MICAL1: variants seen among roughly 807,000 people sequenced by gnomAD.
The protein encoded by MICAL1 is [F-actin]-monooxygenase MICAL1.
Under a neutral mutation model 131.8 loss-of-function variants are expected in MICAL1, and 95 were observed. The ratio of observed to expected loss-of-function variants is 0.72; its 90% CI spans 0.61 to 0.86. The LOEUF is 0.86. MICAL1 is among the 40% of genes least tolerant of loss of function. MICAL1 has a pLI of 0.00. For synonymous variants in MICAL1, 546 were observed against 554.2 expected (o/e 0.99, Z 0.21); for missense variants, 1,292 against 1,380.6 (o/e 0.94, Z 1.02).
upstream of MICAL1, chr6:109,455,899 G>T: frequency 1.0e-6 from 1 of 985,498 alleles, no homozygotes; most frequent in Non-Finnish European, 1.2e-6. This position sits in a 1 kb window ranked among gnomAD's most constrained non-coding sequence, Gnocchi z 4.7. Flanking sequence ...CGCGAGGGGC[G>T]CGGGGCGCCG....
intron 10 of MICAL1, 40 bp downstream of exon 10, chr6:109,449,617 G>A (rs1459488084): frequency 6.3e-7 from 1 of 1,591,476 alleles, no homozygotes; most frequent in Middle Eastern, 1.7e-4. Flanking sequence ...GGGGAAGGGG[G>A]TTGGCTTGGG....
intron 10 of MICAL1, 37 bp downstream of exon 10, chr6:109,449,620 G>T: frequency 6.3e-7 from 1 of 1,588,758 alleles, no homozygotes; most frequent in Non-Finnish European, 8.6e-7. Context: ...GAAGGGGGTT[G>T]GCTTGGGAAG....
rs765948250 is a variant in MICAL1, at chr6:109,465,890, G to A, written c.-213C>T. 2.1e-5 allele frequency: 34 copies of A among 1,614,068 alleles called. No homozygotes were observed. Among genetic ancestry groups the A allele is most frequent in the Non-Finnish European group, 2.6e-5 (31 of 1,180,050 alleles). On this transcript the variant is annotated 5_prime_UTR_variant, in exon 1 of 25. Coordinates refer to the MICAL1 transcript ENST00000630715. ...GGCCAAGTGGCGTTGGCTGGGGCAC[G>A]TGGTGAGTGGGTGGTGGCGGACCAG... is the stretch of plus-strand genomic sequence containing the variant.
At chr6:109,456,032 G>C, upstream of MICAL1, 1 of 986,300 alleles carries the variant, frequency 1.0e-6, no homozygotes, top group Non-Finnish European at 1.2e-6. Context: ...TGGCGCTGCG[G>C]ACACCCCGTT....
chr6:109,445,309 A>C lies in MICAL1; in HGVS notation c.2788-19T>G, dbSNP rs1775160386. On this transcript the variant is annotated intron_variant, in intron 21 of 24. Coordinates refer to ENST00000358807, the MANE Select transcript of MICAL1 (RefSeq NM_022765.4). ...GGATGGTCTGAGGGGTACAAGACAG[A>C]ATATCCAGGAGTCTCTAGGTTGCTC... is the stretch of plus-strand genomic sequence containing the variant. 1 of 1,613,906 alleles carries C rather than the reference A, an allele frequency of 6.2e-7. No homozygotes were observed. The highest frequency in any genetic ancestry group is 1.3e-5 in the African/African-American group (1 of 74,940).
chr6:109,446,888 C>G, intron 17 of MICAL1, 116 bp from the exon 18 acceptor site: 2 of 1,263,860 alleles, frequency 1.6e-6, no homozygotes, highest in Non-Finnish European at 2.3e-6. Context: ...TGAATTTCTG[C>G]CAGCCTCCTG....
In MICAL1 at chr6:109,444,746, G is replaced by A. The variant is rs201978922; in HGVS notation, c.3034C>T (p.Arg1012Ter). Residue 1012 changes from arginine to a stop codon, truncating the protein, a stop_gained, in exon 24 of 25, where the codon CGA becomes TGA. Coordinates refer to ENST00000358807, the MANE Select transcript of MICAL1 (RefSeq NM_022765.4). LOFTEE classifies it high-confidence loss of function. ...EKQWQLDQEL[R>*]GYMNREENLK... Reference sequence around the variant, plus strand: ...CTACCTTCCCGGTTCATGTAGCCTCGTAGCTCCTGGTCCAGCTGCCACTGT... The same window carrying A: ...CTACCTTCCCGGTTCATGTAGCCTCATAGCTCCTGGTCCAGCTGCCACTGT... 8.4e-5 allele frequency: 135 copies of A among 1,613,894 alleles called. No homozygotes were observed. Among genetic ancestry groups the A allele is most frequent in the South Asian group, 1.5e-4 (14 of 91,078 alleles).
At chr6:109,451,334 A>G (rs1362635849) in intron 7 of MICAL1, among the ~76,000 whole-genome samples, 1 of 151,992 alleles carries the variant, frequency 6.6e-6, no homozygotes, top group Non-Finnish European at 1.5e-5. Flanking sequence ...TTGTACTTTT[A>G]GTAGAGACGG....
At position 109,463,928 on chromosome 6, in the gene MICAL1, T is replaced by C. The variant is rs180765159; in HGVS notation, c.14+1736A>G. The C allele has an allele frequency of 9.8e-5, 15 of 152,330 alleles. No individual in the cohort carries two copies. In the East Asian group the frequency reaches 2.3e-3, roughly 23 times the overall value. The allele number at this position is 152,330 out of a possible 1,614,324, so 9.4% of individuals were successfully genotyped here. A position where few individuals can be genotyped will look rare whatever the true frequency, so the allele number is the denominator to read the frequency against. On this transcript the variant is annotated intron_variant, in intron 1 of 24. Transcript: ENST00000630715. ...CTCTTAGTGTAGAGGTAGACTGTTA[T>C]AGAGCCAGTGAAACTTGACTTATAA...
In MICAL1 at chr6:109,452,381, G is replaced by T. The variant is rs375429113; in HGVS notation, c.697C>A (p.Arg233=). ...GTGATGCCAATGGCCAGTTTGCCTC[G>T]CATTTCTCGAACTTTGAAGCCTAGA... ...VPEGFKVREM[R]GKLAIGITAN... is the part of the protein sequence containing the mutation. Residue 233 remains arginine (R), a synonymous_variant, in exon 6 of 25, where the codon CGA becomes AGA. Transcript: ENST00000358807. 1 of 1,614,116 alleles carries T rather than the reference G, an allele frequency of 6.2e-7. No homozygotes were observed. Among genetic ancestry groups the T allele is most frequent in the Non-Finnish European group, 8.5e-7 (1 of 1,179,988 alleles).
upstream of MICAL1, among the ~76,000 whole-genome samples, chr6:109,460,432 A>G (rs1775855889): frequency 6.6e-6 from 1 of 151,618 alleles, no homozygotes; most frequent in African/African-American, 2.4e-5. Flanking sequence ...ACGTAAAAAA[A>G]AAAAAAAAAA....
chr6:109,462,855 T>C (rs1337312318), intron 1 of MICAL1: 4 of 152,234 alleles, frequency 2.6e-5, no homozygotes, highest in Non-Finnish European at 2.9e-5. Context: ...TCTATATTTC[T>C]GTTAAAACAA....
chr6:109,452,104 G>T, intron 6 of MICAL1, 142 bp downstream of exon 6: 1 of 1,444,998 alleles, frequency 6.9e-7, no homozygotes, highest in East Asian at 2.4e-5. Context: ...TGAGGGGACA[G>T]GTTCCTTCTC....
chr6:109,464,651 T>G (rs991960339), intron 1 of MICAL1: 2 of 152,066 alleles, frequency 1.3e-5, no homozygotes, highest in African/African-American at 4.8e-5. Context: ...TAAGATTAGA[T>G]GAAGATTAGC....
chr6:109,449,555 G>A, intron 10 of MICAL1, 74 bp from the exon 11 acceptor site: 1 of 1,606,824 alleles, frequency 6.2e-7, no homozygotes, highest in Non-Finnish European at 8.5e-7. Context: ...GGGCCTGCCG[G>A]GGGTAGGATT....
upstream of MICAL1, among the ~76,000 whole-genome samples, chr6:109,456,559 G>A (rs551917840): frequency 3.9e-5 from 6 of 152,224 alleles, no homozygotes; most frequent in Non-Finnish European, 7.3e-5. Context: ...TGGGAGGGGT[G>A]TGTGGAAGAG....
exon 1 of MICAL1, chr6:109,465,777 T>C (rs3734652): frequency 0.45 from 719,179 of 1,613,404 alleles, 164,824 homozygotes; most frequent in African/African-American, 0.71. Flanking sequence ...GAGAGCCTGA[T>C]TTCAAGCGTT....
chr6:109,445,941 G>A (rs1775197259), intron 19 of MICAL1, 79 bp from the exon 20 acceptor site: 1 of 1,542,632 alleles, frequency 6.5e-7, no homozygotes, highest in East Asian at 2.4e-5. Flanking sequence ...TGGTGACGGA[G>A]GCCCTGCAAG....
upstream of MICAL1, chr6:109,455,801 G>A (rs1398208884): frequency 3.5e-6 from 3 of 868,512 alleles, no homozygotes; most frequent in African/African-American, 5.5e-5. This position sits in a 1 kb window ranked among gnomAD's most constrained non-coding sequence, Gnocchi z 4.7. Context: ...GGGCGGGGGC[G>A]GGGGCGGAAA....
Sources: gnomAD v4.1 joint callset for allele counts (sites outside exome capture counted in the v4.1 genomes callset) on GRCh38, gnomAD v4.1.1 for gene constraint, Gnocchi (gnomAD v3.1) non-coding constraint, MANE v1.5 for transcripts, NCBI Gene and HGNC (gene_info 2026-07-23, HGNC 2026-07-21) for gene names.